Variants in LGALS8 observed in about 807,000 individuals in gnomAD.
LGALS8 encodes galectin-8.
A neutral mutation model predicts 35.9 loss-of-function variants in LGALS8; 30 were observed. The observed-to-expected ratio is 0.83, with a 90% CI of 0.62 to 1.13. The LOEUF is 1.13. Ranked by LOEUF, LGALS8 falls within the 50% of genes most tolerant of loss-of-function variation. The pLI is 0.00. For synonymous variants in LGALS8, 138 were observed against 136.1 expected (o/e 1.01, Z -0.10); for missense variants, 366 against 388.7 (o/e 0.94, Z 0.49).
In LGALS8 at chr1:236,541,687, C is replaced by G. The variant is rs550905903; in HGVS notation, c.499C>G (p.Leu167Val). ...LQSTQASSLE[L>V]TEISRENVPK... is the part of the protein sequence containing the mutation. The stretch of plus-strand genomic sequence containing the variant: ...AAGTACCCAAGCATCTAGTCTGGAA[C>G]TGACAGAGATAAGTAGAGAAAATGT... Residue 167 changes from leucine to valine, a missense_variant, in exon 6 of 10, where the codon CTG (leucine) becomes GTG (valine). Coordinates refer to ENST00000366584, the MANE Select transcript of LGALS8 (RefSeq NM_201544.4). 1 of 1,530,008 alleles carries G rather than the reference C, an allele frequency of 6.5e-7. No homozygotes were observed. Among genetic ancestry groups the G allele is most frequent in the South Asian group, 1.2e-5 (1 of 80,278 alleles). 94.8% of individuals were successfully genotyped at this position (1,530,008 alleles called of 1,614,324 possible). A position where few individuals can be genotyped will look rare whatever the true frequency, so the allele number is the denominator to read the frequency against.
chr1:236,542,576 C>G, intron 6 of LGALS8, 185 bp from the exon 7 acceptor site: 4 of 624,970 alleles, frequency 6.4e-6, no homozygotes, highest in Non-Finnish European at 1.1e-5. Flanking sequence ...CTTCTCAACC[C>G]GTGTAGCCCT....
chr1:236,522,347 T>C (rs1660577988), upstream of LGALS8, among the ~76,000 whole-genome samples: 1 of 152,200 alleles, frequency 6.6e-6, no homozygotes, highest in Non-Finnish European at 1.5e-5. Flanking sequence ...CTCATGCCTG[T>C]AATTTCAGCA....
intron 2 of LGALS8, among the ~76,000 whole-genome samples, chr1:236,532,853 C>G (rs200273041): frequency 1.7e-5 from 1 of 58,696 alleles, no homozygotes; most frequent in Non-Finnish European, 3.1e-5. Flanking sequence ...TCAAGAAAAA[C>G]AAAAAACAAA....
intron 8 of LGALS8, 139 bp downstream of exon 8, chr1:236,543,787 G>A: frequency 2.9e-6 from 2 of 693,284 alleles, no homozygotes. Context: ...TCAAGCAGGA[G>A]GTGGTTAGAT....
upstream of LGALS8, chr1:236,523,959 G>C (rs1245831932): frequency 1.9e-5 from 7 of 377,848 alleles, no homozygotes; most frequent in South Asian, 7.6e-5. Flanking sequence ...GACTCCTGTC[G>C]CTTCCCGTAG....
At chr1:236,537,394 T>TA (rs1661605444) in intron 2 of LGALS8, 103 bp from the exon 3 acceptor site, 1 of 743,626 alleles carries the variant, frequency 1.3e-6, no homozygotes. Context: ...TGTGCAGCCT[T>TA]AAAAAGTGTA....
Position 236,538,943 on chromosome 1 carries a change from A to C in LGALS8, c.199A>C (p.Asn67His), listed in dbSNP as rs1306350746. 6.2e-7 allele frequency: 1 copy of C among 1,613,960 alleles called. No individual in the cohort carries two copies. Among genetic ancestry groups the C allele is most frequent in the Middle Eastern group, 1.7e-4 (1 of 5,892 alleles). Residue 67 changes from asparagine (N) to histidine (H), a missense_variant, in exon 4 of 10, where the codon AAT becomes CAT. By Grantham distance (68) the Asn-to-His change is moderately conservative. Transcript: ENST00000366584. ...TCGAGCCGATGTGGCCTTTCATTTCAATCCTCGTTTCAAAAGGGCCGGCTG... is the reference window on the plus strand; with the variant it reads ...TCGAGCCGATGTGGCCTTTCATTTCCATCCTCGTTTCAAAAGGGCCGGCTG... ...KPRADVAFHF[N>H]PRFKRAGCIV...
At chr1:236,532,950 C>T (rs1661232848) in intron 2 of LGALS8, among the ~76,000 whole-genome samples, 1 of 152,228 alleles carries the variant, frequency 6.6e-6, no homozygotes, top group African/African-American at 2.4e-5. Context: ...TCTTGGACTT[C>T]TCTGCTCTTC....
chr1:236,527,910 G>GT (rs1406492187), intron 2 of LGALS8, among the ~76,000 whole-genome samples: 1 of 151,720 alleles, frequency 6.6e-6, no homozygotes, highest in African/African-American at 2.4e-5. Context: ...TAATTTTTGT[G>GT]TTTTTAGTAG....
chr1:236,546,980 C>T (rs76448262), intron 9 of LGALS8, among the ~76,000 whole-genome samples: 3,770 of 151,172 alleles, frequency 0.025, 53 homozygotes, highest in Middle Eastern at 0.048. Context: ...CCTCCCCTTC[C>T]TGATTTTCCT....
At chr1:236,537,350 T>A (rs1661602185) in intron 2 of LGALS8, 147 bp from the exon 3 acceptor site, 6 of 629,026 alleles carry the variant, frequency 9.5e-6, no homozygotes, top group Middle Eastern at 3.5e-4. Context: ...ATAGGAAAGA[T>A]GACTTGGAAA....
At chr1:236,530,301 C>T (rs1661076382) in intron 2 of LGALS8, among the ~76,000 whole-genome samples, 1 of 152,184 alleles carries the variant, frequency 6.6e-6, no homozygotes, top group Non-Finnish European at 1.5e-5. Context: ...TCTTAAAACA[C>T]AACACAGTCA....
Position 236,550,062 on chromosome 1 carries a change from C to T in LGALS8, c.*1901C>T, listed in dbSNP as rs551696863. 1.1e-4 allele frequency: 17 copies of T among 152,310 alleles called. No homozygotes were observed. The South Asian group carries it at 2.5e-3, about 22-fold the overall frequency. The allele number at this position is 152,310 out of a possible 1,614,324, so 9.4% of individuals were successfully genotyped here. The stretch of plus-strand genomic sequence containing the variant: ...GCAGATCTAATTTTATTTGAACCCT[C>T]ACTTTCCAACTTCACCATGACCCAG... On this transcript the variant is annotated 3_prime_UTR_variant, in exon 10 of 10. Transcript: ENST00000366584.
chr1:236,524,327 T>C, intron 1 of LGALS8: 1 of 456,750 alleles, frequency 2.2e-6, no homozygotes, highest in South Asian at 1.5e-5. Context: ...TGGACATCCC[T>C]GGCTGGGGTC....
intron 1 of LGALS8, chr1:236,524,486 G>T (rs753881543): frequency 2.2e-6 from 1 of 454,330 alleles, no homozygotes; most frequent in Non-Finnish European, 4.4e-6. Flanking sequence ...AGTGACAGTG[G>T]AGTGACCTCC....
chr1:236,534,325 TAGAG>T (rs1181593337), intron 2 of LGALS8, among the ~76,000 whole-genome samples: 2 of 152,204 alleles, frequency 1.3e-5, no homozygotes, highest in Non-Finnish European at 2.9e-5. Context: ...GTCTGCCTAA[TAGAG>T]AGCCTTGCAT....
chr1:236,523,493 G>A (rs567322483), upstream of LGALS8: 3 of 156,880 alleles, frequency 1.9e-5, no homozygotes, highest in East Asian at 3.9e-4. Flanking sequence ...CGTTGACCCC[G>A]TGGACCTGGG....
chr1:236,549,386 G>C lies in LGALS8; in HGVS notation c.*1225G>C. 1 of 166,318 alleles carries C rather than the reference G, an allele frequency of 6.0e-6. No individual in the cohort carries two copies. The highest frequency in any genetic ancestry group is 1.3e-5 in the Non-Finnish European group (1 of 77,598). 10.3% of individuals were successfully genotyped at this position (166,318 alleles called of 1,614,324 possible). On this transcript the variant is annotated 3_prime_UTR_variant, in exon 10 of 10. Transcript: ENST00000366584. ...GAAATTTCAAAGGTTTGGGAGTGGGGAGGGAAAAAAGCTCAGTCAGTGAGG... is the reference window on the plus strand; with the variant it reads ...GAAATTTCAAAGGTTTGGGAGTGGGCAGGGAAAAAAGCTCAGTCAGTGAGG...
intron 2 of LGALS8, among the ~76,000 whole-genome samples, chr1:236,527,588 G>C (rs189201432): frequency 2.9e-3 from 437 of 152,026 alleles, no homozygotes; most frequent in Non-Finnish European, 4.0e-3. Context: ...AAAACATTTT[G>C]CGCTCTCTTT....
Sources: gnomAD v4.1 joint callset for allele counts (sites outside exome capture counted in the v4.1 genomes callset) on GRCh38, gnomAD v4.1.1 for gene constraint, MANE v1.5 for transcripts, NCBI Gene and HGNC (gene_info 2026-07-23, HGNC 2026-07-21) for gene names.